Variants in TSPEAR observed in about 807,000 individuals in gnomAD.
The protein encoded by TSPEAR is thrombospondin type laminin G domain and EAR repeats.
Under a neutral mutation model 71.6 loss-of-function variants are expected in TSPEAR, and 69 were observed. The observed-to-expected ratio is 0.96, with a 90% confidence interval of 0.79 to 1.18. The LOEUF (loss-of-function observed/expected upper bound fraction) is 1.18. TSPEAR is among the 50% of genes most tolerant of loss of function. TSPEAR has a pLI of 0.00. For missense variants in TSPEAR, 971 were observed against 894.9 expected (o/e 1.09, Z -1.09); for synonymous variants, 402 against 387.2 (o/e 1.04, Z -0.45).
rs587714149 is a variant in TSPEAR, at chr21:44,671,951, C to A, written c.82+39482G>T. Among the ~76,000 whole-genome samples the A allele has an allele frequency of 1.8e-4, 27 of 151,866 alleles. No individual in the cohort carries two copies. The East Asian group carries it at 5.2e-3, about 29-fold the overall frequency. The stretch of plus-strand genomic sequence containing the variant: ...AACATGGATAAACTATACAAATAAA[C>A]CAGAAAAACAGTTCAGGATATGAAT... On this transcript the variant is annotated intron_variant, in intron 1 of 11. Transcript: ENST00000323084.
intron 1 of TSPEAR, among the ~76,000 whole-genome samples, chr21:44,577,310 C>T (rs1391953038): frequency 6.6e-6 from 1 of 152,176 alleles, no homozygotes; most frequent in African/African-American, 2.4e-5. Flanking sequence ...GTCCATTTTG[C>T]ACTGCTGTAA....
In TSPEAR at chr21:44,499,874, C is replaced by T. The variant is rs985608378; in HGVS notation, c.1919G>A (p.Trp640Ter). ...HSLPTVGCRD[W>*]EAFSTTAGAY... is the part of the protein sequence containing the mutation. ...ACCAGCCGTGGTGCTGAAGGCCTCC[C>T]AGTCCCTGCAGCCGACGGTGGGGAG... Residue 640 changes from tryptophan (W) to a stop codon, truncating the protein, a stop_gained, in exon 12 of 12, where the codon TGG (tryptophan) becomes TAG (stop). Transcript: ENST00000323084. LOFTEE classifies it high-confidence loss of function. The T allele has an allele frequency of 6.2e-7, 1 of 1,606,106 alleles. No individual in the cohort carries two copies. Among genetic ancestry groups the T allele is most frequent in the Non-Finnish European group, 8.5e-7 (1 of 1,177,282 alleles).
intron 1 of TSPEAR, among the ~76,000 whole-genome samples, chr21:44,590,926 A>G (rs73907036): frequency 6.6e-6 from 1 of 151,434 alleles, no homozygotes; most frequent in African/African-American, 2.5e-5. Flanking sequence ...CAGCACCAGA[A>G]GGCATTGCTT....
At chr21:44,696,855 A>G (rs1037331118) in intron 1 of TSPEAR, among the ~76,000 whole-genome samples, 9 of 151,862 alleles carry the variant, frequency 5.9e-5, no homozygotes, top group Non-Finnish European at 1.0e-4. Context: ...TTCAGGAGCT[A>G]AGCTACGCTA....
chr21:44,535,680 A>C (rs1468419784), intron 2 of TSPEAR, among the ~76,000 whole-genome samples: 4 of 152,080 alleles, frequency 2.6e-5, no homozygotes, highest in Non-Finnish European at 5.9e-5. Flanking sequence ...AATTTTCCTG[A>C]CTCAGCCTCC....
At chr21:44,591,851 A>T in intron 1 of TSPEAR, 1 of 1,607,186 alleles carries the variant, frequency 6.2e-7, no homozygotes, top group South Asian at 1.1e-5. Flanking sequence ...TGGCAGCTAG[A>T]CTGCTGGCAG....
chr21:44,528,562 A>C lies in TSPEAR; in HGVS notation c.812T>G (p.Leu271Arg), dbSNP rs782569886. Reference sequence around the variant, plus strand: ...CTCGGTACACGGTGGCTGGGGTCCCAGCGTCACTCGAATGTTGGTTTCTGA... The same window carrying C: ...CTCGGTACACGGTGGCTGGGGTCCCCGCGTCACTCGAATGTTGGTTTCTGA... Reference protein sequence around the residue: ...YPYETNIRVTLGPQPPCTEVE... With the variant: ...YPYETNIRVTRGPQPPCTEVE... Residue 271 changes from leucine to arginine, a missense_variant, in exon 6 of 12, where the codon CTG (leucine) becomes CGG (arginine). Coordinates refer to ENST00000323084, the MANE Select transcript of TSPEAR (RefSeq NM_144991.3). 11 of 1,613,968 alleles carry C rather than the reference A, an allele frequency of 6.8e-6. No individual in the cohort carries two copies. In the Admixed American group the frequency reaches 1.7e-4, roughly 24 times the overall value.
At chr21:44,634,408 T>C (rs1314290146) in intron 1 of TSPEAR, among the ~76,000 whole-genome samples, 1 of 152,196 alleles carries the variant, frequency 6.6e-6, no homozygotes, top group Non-Finnish European at 1.5e-5. Context: ...AGTAAATATG[T>C]ATGACCTTAT....
At chr21:44,586,465 T>A (rs1270971282) in intron 1 of TSPEAR, among the ~76,000 whole-genome samples, 1 of 152,034 alleles carries the variant, frequency 6.6e-6, no homozygotes, top group Non-Finnish European at 1.5e-5. Flanking sequence ...TTAAAAAAAA[T>A]TTACCAAGAG....
rs910940907 is a variant in TSPEAR, at chr21:44,499,740, C to T, written c.*43G>A. 2.3e-5 allele frequency: 35 copies of T among 1,521,508 alleles called. No individual in the cohort carries two copies. The highest frequency in any genetic ancestry group is 8.4e-5 in the African/African-American group (6 of 71,368). 94.3% of individuals were successfully genotyped at this position (1,521,508 alleles called of 1,614,324 possible). On this transcript the variant is annotated 3_prime_UTR_variant, in exon 12 of 12. Coordinates refer to ENST00000323084, the MANE Select transcript of TSPEAR (RefSeq NM_144991.3). ...TCAGTTGGGGGAGGTGCTGGGGTCC[C>T]GCCCCACCTGGCCACCCCAGTTGCT...
chr21:44,699,119 G>A (rs1353111044), intron 1 of TSPEAR, among the ~76,000 whole-genome samples: 5 of 152,280 alleles, frequency 3.3e-5, no homozygotes, highest in South Asian at 2.1e-4. Flanking sequence ...AATCACTCGA[G>A]CCGGGAGGCG....
At position 44,575,075 on chromosome 21, in the gene TSPEAR, T is replaced by C. The variant is rs1235872234; in HGVS notation, c.83-7070A>G. ...CCAGGCTCAGGTCCCACCTGAAAGCTGATAGTCGCGTCCTGAATTGCTCCT... is the reference window on the plus strand; with the variant it reads ...CCAGGCTCAGGTCCCACCTGAAAGCCGATAGTCGCGTCCTGAATTGCTCCT... On this transcript the variant is annotated intron_variant, in intron 1 of 11. Transcript: ENST00000323084. 3 of 1,485,236 alleles carry C rather than the reference T, an allele frequency of 2.0e-6. No homozygotes were observed. In the African/African-American group the frequency reaches 4.2e-5, roughly 21 times the overall value. The allele number at this position is 1,485,236 out of a possible 1,614,324, so 92.0% of individuals were successfully genotyped here. A position where few individuals can be genotyped will look rare whatever the true frequency, so the allele number is the denominator to read the frequency against.
intron 9 of TSPEAR, among the ~76,000 whole-genome samples, chr21:44,511,306 C>T (rs1555912644): frequency 6.6e-6 from 1 of 152,154 alleles, no homozygotes; most frequent in Non-Finnish European, 1.5e-5. Context: ...TGTGCGCACA[C>T]ACACATGCAC....
At chr21:44,589,718 C>T (rs1397314591) in intron 1 of TSPEAR, among the ~76,000 whole-genome samples, 8 of 152,264 alleles carry the variant, frequency 5.3e-5, no homozygotes, top group African/African-American at 1.4e-4. Flanking sequence ...GTGCCTCGGA[C>T]GAGGGCAGGT....
At chr21:44,653,794 G>T (rs1359385544) in intron 1 of TSPEAR, among the ~76,000 whole-genome samples, 1 of 152,168 alleles carries the variant, frequency 6.6e-6, no homozygotes, top group East Asian at 1.9e-4. Context: ...TGGGGTTGGG[G>T]GTTCCCATCA....
intron 9 of TSPEAR, chr21:44,517,598 C>T (rs587773297): frequency 8.0e-6 from 3 of 373,484 alleles, no homozygotes; most frequent in South Asian, 3.9e-5. Flanking sequence ...GTCAGGTCAG[C>T]CCCTTCCTGC....
chr21:44,558,455 T>C (rs367805477), intron 2 of TSPEAR: 55 of 1,613,728 alleles, frequency 3.4e-5, no homozygotes, highest in Admixed American at 1.2e-4. Flanking sequence ...TGCAGCAAGC[T>C]GGCTGGCAGC....
intron 2 of TSPEAR, among the ~76,000 whole-genome samples, chr21:44,563,974 C>T (rs2053672638): frequency 6.6e-6 from 1 of 152,176 alleles, no homozygotes; most frequent in African/African-American, 2.4e-5. Context: ...GCCCCTTCAC[C>T]ACCATGCCTG....
chr21:44,612,920 C>G lies in TSPEAR; in HGVS notation c.83-44915G>C. On this transcript the variant is annotated intron_variant, in intron 1 of 11. Coordinates refer to ENST00000323084, the MANE Select transcript of TSPEAR (RefSeq NM_144991.3). This position sits in a 1 kb window ranked among gnomAD's most constrained non-coding sequence, Gnocchi z 4.1. ...CCAGGAGTCCAGCTGCTGATGGGCA[C>G]GTCCCCCAGGGCCAGCCGGCTCCGG... 6.2e-7 allele frequency: 1 copy of G among 1,602,728 alleles called. No homozygotes were observed.
Sources: gnomAD v4.1 joint callset for allele counts (sites outside exome capture counted in the v4.1 genomes callset) on GRCh38, gnomAD v4.1.1 for gene constraint, Gnocchi (gnomAD v3.1) non-coding constraint, MANE v1.5 for transcripts, NCBI Gene and HGNC (gene_info 2026-07-23, HGNC 2026-07-21) for gene names.